Variants in CSMD1 observed in about 807,000 individuals in gnomAD.
CSMD1 encodes the protein CUB and Sushi multiple domains 1, also known as CUB and sushi domain-containing protein 1.
In CSMD1, 213 loss-of-function variants were observed where a neutral mutation model predicts 417.5. The ratio of observed to expected loss-of-function variants is 0.51; its 90% CI spans 0.46 to 0.57. CSMD1 has a LOEUF of 0.57. Among genes scored for constraint, CSMD1 ranks in the 20% least tolerant of loss-of-function variants. The pLI is 0.00. For missense variants in CSMD1, 6,923 were observed against 4,529.7 expected (o/e 1.53, Z -15.17); for synonymous variants, 2,862 against 1,736.8 (o/e 1.65, Z -16.11).
At chr8:3,728,536 A>T (rs1802629302) in intron 6 of CSMD1, among the ~76,000 whole-genome samples, 1 of 152,182 alleles carries the variant, frequency 6.6e-6, no homozygotes, top group African/African-American at 2.4e-5. Context: ...AATAAATATA[A>T]ACGTAGGTTT....
chr8:4,912,723 G>C (rs905244727), intron 1 of CSMD1, among the ~76,000 whole-genome samples: 3 of 152,120 alleles, frequency 2.0e-5, no homozygotes, highest in African/African-American at 7.2e-5. Context: ...ATAACCACCA[G>C]TGACTTTCTA....
intron 2 of CSMD1, among the ~76,000 whole-genome samples, chr8:4,583,230 C>T (rs963477222): frequency 1.3e-5 from 2 of 152,234 alleles, no homozygotes; most frequent in Non-Finnish European, 2.9e-5. Context: ...GGCACAGGGA[C>T]TGGCAGGCAG....
intron 1 of CSMD1, among the ~76,000 whole-genome samples, chr8:4,980,146 T>C (rs778857787): frequency 1.3e-5 from 2 of 152,250 alleles, no homozygotes; most frequent in Non-Finnish European, 2.9e-5. Flanking sequence ...AATAAAACCC[T>C]GTAACACGCA....
chr8:4,612,526 G>A (rs1321339676), intron 2 of CSMD1, among the ~76,000 whole-genome samples: 1 of 152,154 alleles, frequency 6.6e-6, no homozygotes, highest in Admixed American at 6.5e-5. Context: ...AATATTTGGT[G>A]CATTTTAAGC....
chr8:4,516,899 AT>A (rs1803157212), intron 2 of CSMD1, among the ~76,000 whole-genome samples: 2 of 152,054 alleles, frequency 1.3e-5, no homozygotes, highest in African/African-American at 4.8e-5. Context: ...ATAATATAAT[AT>A]TTTTATAAGA....
chr8:3,728,292 T>C (rs1167017793), intron 6 of CSMD1, among the ~76,000 whole-genome samples: 1 of 152,112 alleles, frequency 6.6e-6, no homozygotes, highest in African/African-American at 2.4e-5. Flanking sequence ...ATCCCTTTGC[T>C]CTTCCTTCAT....
chr8:3,705,101 C>A (rs748536161), intron 7 of CSMD1, among the ~76,000 whole-genome samples: 2 of 152,220 alleles, frequency 1.3e-5, no homozygotes, highest in Admixed American at 6.5e-5. Context: ...GGCAAGGCTA[C>A]TTTCAAAGGC....
rs551230653 is a variant in CSMD1, at chr8:4,967,370, C to T, written c.85+26962G>A. ...CTTCTGAAGAAAAAAACAATAATCA[C>T]TGCCATGATAAAGCCATTTTGCCTA... On this transcript the variant is annotated intron_variant, in intron 1 of 69. Coordinates refer to ENST00000635120, the MANE Select transcript of CSMD1 (RefSeq NM_033225.6). Among the ~76,000 whole-genome samples, 39 of 152,224 alleles carry T rather than the reference C, an allele frequency of 2.6e-4. 1 individual carries two copies. Among genetic ancestry groups the T allele is most frequent in the Admixed American group, 1.3e-4 (2 of 15,274 alleles).
chr8:3,830,257 A>C (rs150349558), intron 5 of CSMD1, among the ~76,000 whole-genome samples: 84 of 152,350 alleles, frequency 5.5e-4, no homozygotes, highest in African/African-American at 1.8e-3. Context: ...TAGAGCAAAA[A>C]TCAGCACAGT....
intron 25 of CSMD1, among the ~76,000 whole-genome samples, chr8:3,296,460 T>A (rs749839966): frequency 3.3e-5 from 5 of 151,996 alleles, no homozygotes; most frequent in African/African-American, 1.2e-4. Context: ...GTAGGCTGTT[T>A]TAAGGATGAT....
intron 1 of CSMD1, among the ~76,000 whole-genome samples, chr8:4,992,759 C>G (rs1359257520): frequency 6.6e-6 from 1 of 152,222 alleles, no homozygotes; most frequent in Non-Finnish European, 1.5e-5. Context: ...TCAGAGGCAC[C>G]GGCCAAGGCA....
intron 21 of CSMD1, among the ~76,000 whole-genome samples, chr8:3,353,889 G>A (rs1028922543): frequency 3.3e-5 from 5 of 152,148 alleles, no homozygotes; most frequent in African/African-American, 9.7e-5. Context: ...TAACACAGAA[G>A]AAAGGAGTTA....
chr8:3,564,977 G>C (rs945169759), intron 10 of CSMD1, among the ~76,000 whole-genome samples: 10 of 147,186 alleles, frequency 6.8e-5, no homozygotes, highest in Non-Finnish European at 1.2e-4. Context: ...GAATAGCTAA[G>C]GAATGCTGGG....
At chr8:4,194,879 G>A (rs1416487230) in intron 3 of CSMD1, among the ~76,000 whole-genome samples, 1 of 152,056 alleles carries the variant, frequency 6.6e-6, no homozygotes, top group Admixed American at 6.5e-5. Flanking sequence ...TCATTGGTCA[G>A]CCACATAATT....
intron 52 of CSMD1, 123 bp from the exon 53 acceptor site, chr8:3,000,254 A>G: frequency 2.1e-6 from 1 of 475,268 alleles, no homozygotes. Flanking sequence ...AATCTTTATC[A>G]TTACATATAT....
At chr8:3,290,484 G>A (rs1481143726) in intron 25 of CSMD1, among the ~76,000 whole-genome samples, 1 of 65,910 alleles carries the variant, frequency 1.5e-5, no homozygotes, top group Non-Finnish European at 3.6e-5. Context: ...CCATTTGTTT[G>A]TATCCTTTTA....
At chr8:3,472,929 C>T (rs953126871) in intron 11 of CSMD1, among the ~76,000 whole-genome samples, 1 of 151,972 alleles carries the variant, frequency 6.6e-6, no homozygotes, top group Non-Finnish European at 1.5e-5. Context: ...GTTTTTCACA[C>T]CACTGTTTTC....
chr8:3,417,845 T>C (rs186398173), intron 12 of CSMD1, among the ~76,000 whole-genome samples: 2 of 152,194 alleles, frequency 1.3e-5, no homozygotes, highest in East Asian at 1.9e-4. Context: ...TTGGAGACAG[T>C]GTGAGAACAT....
chr8:4,199,098 C>T (rs892875847), intron 3 of CSMD1, among the ~76,000 whole-genome samples: 1 of 152,114 alleles, frequency 6.6e-6, no homozygotes, highest in Non-Finnish European at 1.5e-5. Flanking sequence ...CCCAGCTCAC[C>T]CTGAGCTTCT....
Sources: gnomAD v4.1 joint callset for allele counts (sites outside exome capture counted in the v4.1 genomes callset) on GRCh38, gnomAD v4.1.1 for gene constraint, MANE v1.5 for transcripts, NCBI Gene and HGNC (gene_info 2026-07-23, HGNC 2026-07-21) for gene names.